Variants in ZFPM2 observed in about 807,000 individuals in gnomAD.
ZFPM2 encodes zinc finger protein ZFPM2.
A neutral mutation model predicts 98.6 loss-of-function variants in ZFPM2; 20 were observed. The observed-to-expected ratio is 0.20, with a 90% CI of 0.14 to 0.29. The LOEUF is 0.29. ZFPM2 is among the 10% of genes least tolerant of loss of function. The pLI is 1.00. For missense variants in ZFPM2, 1,310 were observed against 1,388.6 expected (o/e 0.94, Z 0.90); for synonymous variants, 518 against 502.7 (o/e 1.03, Z -0.41).
Position 105,788,701 on chromosome 8 carries a change from T to C in ZFPM2, c.533-17T>C, listed in dbSNP as rs573939780. 1.9e-6 allele frequency: 3 copies of C among 1,613,222 alleles called. No homozygotes were observed. In the East Asian group the frequency reaches 6.7e-5, roughly 36 times the overall value. On this transcript the variant is annotated splice_polypyrimidine_tract_variant and intron_variant, in intron 5 of 7. Coordinates refer to ENST00000407775, the MANE Select transcript of ZFPM2 (RefSeq NM_012082.4). ...ATCCTATGTCAATTTTATCTTTTTC[T>C]TTTTTCTTCTTAATAGGGGGTCAGC...
At chr8:105,519,607 C>T (rs1204164445) in intron 3 of ZFPM2, among the ~76,000 whole-genome samples, 2 of 152,102 alleles carry the variant, frequency 1.3e-5, no homozygotes, top group Middle Eastern at 3.4e-3. Flanking sequence ...GGAGATAATG[C>T]AGTTAATCGT....
At chr8:105,777,427 T>TA (rs1421209266) in intron 5 of ZFPM2, among the ~76,000 whole-genome samples, 1 of 152,160 alleles carries the variant, frequency 6.6e-6, no homozygotes, top group African/African-American at 2.4e-5. Context: ...AATAATTTTT[T>TA]AAAAAAATCT....
intron 4 of ZFPM2, among the ~76,000 whole-genome samples, chr8:105,608,025 T>G (rs1190401101): frequency 3.9e-5 from 6 of 152,058 alleles, no homozygotes; most frequent in Non-Finnish European, 8.8e-5. Context: ...CGAGATCATG[T>G]CTTGTGGGAA....
intron 4 of ZFPM2, among the ~76,000 whole-genome samples, chr8:105,613,358 A>ATC (rs1816346196): frequency 6.6e-6 from 1 of 152,176 alleles, no homozygotes; most frequent in Non-Finnish European, 1.5e-5. Flanking sequence ...CATTATAGAA[A>ATC]ATATGAGTAA....
intron 1 of ZFPM2, among the ~76,000 whole-genome samples, chr8:105,349,073 C>T (rs1812594103): frequency 6.6e-6 from 1 of 152,136 alleles, no homozygotes; most frequent in Non-Finnish European, 1.5e-5. Context: ...CCCAAGGAGC[C>T]TGGGTTTAAA....
At chr8:105,527,423 A>T (rs1352207866) in intron 3 of ZFPM2, among the ~76,000 whole-genome samples, 1 of 152,346 alleles carries the variant, frequency 6.6e-6, no homozygotes, top group South Asian at 2.1e-4. Flanking sequence ...CAAAGAGTGG[A>T]TAACTATATG....
chr8:105,489,182 C>A (rs940189978), intron 3 of ZFPM2, among the ~76,000 whole-genome samples: 2 of 151,912 alleles, frequency 1.3e-5, no homozygotes, highest in African/African-American at 4.8e-5. Flanking sequence ...GAGGCCACCA[C>A]TGCCACTGTG....
At chr8:105,779,500 G>A (rs1167403495) in intron 5 of ZFPM2, among the ~76,000 whole-genome samples, 1 of 152,202 alleles carries the variant, frequency 6.6e-6, no homozygotes, top group Non-Finnish European at 1.5e-5. Context: ...ACCATTGTAA[G>A]AAGCCATGAA....
At chr8:105,428,114 A>T (rs1811951298) in intron 2 of ZFPM2, among the ~76,000 whole-genome samples, 1 of 152,196 alleles carries the variant, frequency 6.6e-6, no homozygotes. Context: ...TTGCTTCCTG[A>T]TGTCCACTAT....
chr8:105,330,560 A>ATATATG, intron 1 of ZFPM2, among the ~76,000 whole-genome samples: 2 of 77,644 alleles, frequency 2.6e-5, no homozygotes, highest in Non-Finnish European at 5.6e-5. Context: ...ATACATATAT[A>ATATATG]TATATATACA....
chr8:105,743,690 C>T (rs978980296), intron 5 of ZFPM2, among the ~76,000 whole-genome samples: 1 of 152,056 alleles, frequency 6.6e-6, no homozygotes, highest in African/African-American at 2.4e-5. Flanking sequence ...TTCTTCAGTT[C>T]TGGTGCTTTG....
chr8:105,795,651 C>T (rs1813781023), intron 6 of ZFPM2: 2 of 290,038 alleles, frequency 6.9e-6, no homozygotes, highest in Non-Finnish European at 6.7e-6. Context: ...GCTTAGAACA[C>T]TTTATATGGA....
At chr8:105,745,416 A>G (rs1812320396) in intron 5 of ZFPM2, among the ~76,000 whole-genome samples, 1 of 152,146 alleles carries the variant, frequency 6.6e-6, no homozygotes, top group Non-Finnish European at 1.5e-5. Flanking sequence ...ACTTAATCAG[A>G]GAACACATAT....
chr8:105,593,747 T>G (rs1815902370), intron 4 of ZFPM2, among the ~76,000 whole-genome samples: 1 of 152,112 alleles, frequency 6.6e-6, no homozygotes, highest in Non-Finnish European at 1.5e-5. Flanking sequence ...CACACAACTT[T>G]GTTGGTTGTG....
chr8:105,651,845 A>C lies in ZFPM2; in HGVS notation c.532+17488A>C, dbSNP rs550559148. Among the ~76,000 whole-genome samples, 169 of 152,328 alleles carry C rather than the reference A, an allele frequency of 1.1e-3. 1 individual carries two copies. The highest frequency in any genetic ancestry group is 3.9e-3 in the African/African-American group (161 of 41,578). On this transcript the variant is annotated intron_variant, in intron 5 of 7. Coordinates refer to ENST00000407775, the MANE Select transcript of ZFPM2 (RefSeq NM_012082.4). ...CCTGATTGAGTTTCAGAAATTACTC[A>C]TGTGGAAATCATTTGAAAATCCAGT...
At chr8:105,450,948 C>G (rs1812473163) in intron 3 of ZFPM2, among the ~76,000 whole-genome samples, 1 of 151,402 alleles carries the variant, frequency 6.6e-6, no homozygotes. Flanking sequence ...TTTGCACTCT[C>G]ATATAGAATT....
At chr8:105,378,765 A>T (rs958003320) in intron 1 of ZFPM2, among the ~76,000 whole-genome samples, 1 of 152,192 alleles carries the variant, frequency 6.6e-6, no homozygotes, top group Non-Finnish European at 1.5e-5. Flanking sequence ...TCTAAATCTA[A>T]CAAATGAGAT....
chr8:105,432,181 A>G (rs1415855385), intron 2 of ZFPM2, among the ~76,000 whole-genome samples: 1 of 152,146 alleles, frequency 6.6e-6, no homozygotes, highest in Admixed American at 6.5e-5. Flanking sequence ...AAGCTGAAAT[A>G]TGAAATTGCA....
chr8:105,683,337 C>T (rs549948292), intron 5 of ZFPM2, among the ~76,000 whole-genome samples: 7 of 152,196 alleles, frequency 4.6e-5, no homozygotes, highest in East Asian at 1.9e-4. Flanking sequence ...TGCAAACTGC[C>T]GATAAGCTCC....
Sources: allele counts gnomAD v4.1 joint callset (sites outside exome capture counted in the v4.1 genomes callset), GRCh38; gene constraint gnomAD v4.1.1; transcripts MANE v1.5; gene names NCBI Gene and HGNC (gene_info 2026-07-23, HGNC 2026-07-21).